Variants in LHX1 observed in about 807,000 individuals in gnomAD.
LHX1 encodes LIM/homeobox protein Lhx1.
Under a neutral mutation model 34.1 loss-of-function variants are expected in LHX1, and 9 were observed. The ratio of observed to expected loss-of-function variants is 0.26; its 90% CI spans 0.16 to 0.46. The LOEUF (loss-of-function observed/expected upper bound fraction) is 0.46. LHX1 is among the 20% of genes least tolerant of loss of function. The probability of loss-of-function intolerance (pLI) is 1.00; values close to 1 mark genes in which losing one functional copy is unlikely to be tolerated. For synonymous variants in LHX1, 254 were observed against 241.5 expected (o/e 1.05, Z -0.48); for missense variants, 446 against 559.1 (o/e 0.80, Z 2.04).
rs117704969 is a variant in LHX1 at position 36,941,767 on chromosome 17, G to T, written c.676-433G>T. 3.9e-4 allele frequency among the ~76,000 whole-genome samples: 60 copies of T among 152,342 alleles called. No homozygotes were observed. The East Asian group carries it at 5.2e-3, about 13-fold the overall frequency. On this transcript the variant is annotated intron_variant, in intron 3 of 4. Coordinates refer to ENST00000614239, the MANE Select transcript of LHX1 (RefSeq NM_005568.5). ...TGTGAAAAGGAGATTGTAGGTTTTG[G>T]TATCATAGGCTGTTTCTGTGTCTCT...
chr17:36,936,804 C>T, upstream of LHX1: 1 of 175,752 alleles, frequency 5.7e-6, no homozygotes, highest in Non-Finnish European at 1.2e-5. Context: ...GAGCAGTGAC[C>T]AAGCCGCCGG....
At position 36,942,892 on chromosome 17, in the gene LHX1, G is replaced by C. The variant is rs747919660; in HGVS notation, c.982G>C (p.Glu328Gln). The change falls in exon 5 of 5, where the codon GAG becomes CAG. Residue 328 changes from glutamate to glutamine, a missense_variant. Transcript: ENST00000614239. ...GTCCGGGACGCCCCTGGGTGGCCTGGAGCACCCGCTGCCGGGCCACCACCC... is the reference window on the plus strand; with the variant it reads ...GTCCGGGACGCCCCTGGGTGGCCTGCAGCACCCGCTGCCGGGCCACCACCC... ...GPSGTPLGGL[E>Q]HPLPGHHPSS... 1 of 1,595,600 alleles carries C rather than the reference G, an allele frequency of 6.3e-7. No individual in the cohort carries two copies. The highest frequency in any genetic ancestry group is 1.1e-5 in the South Asian group (1 of 89,114).
rs34167802 is a variant in LHX1 at position 36,938,356 on chromosome 17, C to G, written c.159C>G (p.Asn53Lys). 1.6e-3 allele frequency: 2,643 copies of G among 1,614,154 alleles called. 5 individuals are homozygous for G. The highest frequency in any genetic ancestry group is 2.1e-3 in the Non-Finnish European group (2,499 of 1,179,982). ...FSREGKLYCKNDFFRCFGTKC... is the reference protein window; with the variant it reads ...FSREGKLYCKKDFFRCFGTKC... ...GGGAAGGCAAACTCTACTGCAAGAA[C>G]GACTTCTTCCGGTGAGTACTTTCCT... The change falls in exon 1 of 5, where the codon AAC becomes AAG. Residue 53 changes from asparagine (N) to lysine (K), a missense_variant. By Grantham distance (94) the Asn-to-Lys change is moderately conservative. This residue lies in a region of LHX1 where 168 missense variants were observed against 226.6 expected (regional missense o/e 0.74). Coordinates refer to ENST00000614239, the MANE Select transcript of LHX1 (RefSeq NM_005568.5).
chr17:36,940,090 T>A, intron 1 of LHX1, 200 bp from the exon 2 acceptor site: 2 of 611,032 alleles, frequency 3.3e-6, no homozygotes, highest in Middle Eastern at 4.4e-4. Context: ...TCTCTCCTGC[T>A]GCCTCCTCAC....
At position 36,943,195 on chromosome 17, in the gene LHX1, T is replaced by TTG; in HGVS notation, c.*64_*65insTG. The TTG allele has an allele frequency of 8.8e-7, 1 of 1,139,980 alleles. No homozygotes were observed. Among genetic ancestry groups the TTG allele is most frequent in the African/African-American group, 2.3e-5 (1 of 43,718 alleles). 70.6% of individuals were successfully genotyped at this position (1,139,980 alleles called of 1,614,324 possible). On this transcript the variant is annotated 3_prime_UTR_variant, in exon 5 of 5. Transcript: ENST00000614239. ...GAAATGAACCTTTATTTAAGAAAAA[T>TTG]AGAAAAAAAAAAACATAAAAAGCAA...
chr17:36,940,360 A>G lies in LHX1; in HGVS notation c.241A>G (p.Ser81Gly), dbSNP rs2070756834. 6.2e-7 allele frequency: 1 copy of G among 1,602,302 alleles called. No homozygotes were observed. The highest frequency in any genetic ancestry group is 2.3e-5 in the East Asian group (1 of 44,178). The change falls in exon 2 of 5, where the codon AGC becomes GGC. Residue 81 changes from serine (S) to glycine (G), a missense_variant. Ser to Gly is a moderately conservative substitution (Grantham distance 56). Coordinates refer to ENST00000614239, the MANE Select transcript of LHX1 (RefSeq NM_005568.5). ...SPSDLVRRAR[S>G]KVFHLNCFTC... ...TAGCGACCTGGTGCGGAGAGCGCGG[A>G]GCAAAGTGTTTCACCTGAACTGCTT...
Position 36,943,050 on chromosome 17 carries a change from G to C in LHX1, c.1140G>C (p.Ser380=). Residue 380 remains serine (S), a synonymous_variant, in exon 5 of 5, where the codon TCG becomes TCC. Transcript: ENST00000614239. ...AEVFGPSPPF[S]SLSVNGGASY... ...TCTTCGGACCCAGCCCGCCCTTCTCGTCGCTGTCGGTCAACGGTGGGGCGA... is the reference window on the plus strand; with the variant it reads ...TCTTCGGACCCAGCCCGCCCTTCTCCTCGCTGTCGGTCAACGGTGGGGCGA... 6.2e-7 allele frequency: 1 copy of C among 1,606,022 alleles called. No homozygotes were observed. Among genetic ancestry groups the C allele is most frequent in the Non-Finnish European group, 8.5e-7 (1 of 1,174,676 alleles).
In LHX1 at chr17:36,943,186, T is replaced by TAAA; in HGVS notation, c.*57_*58insAAA. ...GGTTGTACAGAAATGAACCTTTATT[T>TAAA]AAGAAAAATAGAAAAAAAAAAACAT... On this transcript the variant is annotated 3_prime_UTR_variant, in exon 5 of 5. Coordinates refer to ENST00000614239, the MANE Select transcript of LHX1 (RefSeq NM_005568.5). 1 of 1,441,918 alleles carries TAAA rather than the reference T, an allele frequency of 6.9e-7. No individual in the cohort carries two copies. 89.3% of individuals were successfully genotyped at this position (1,441,918 alleles called of 1,614,324 possible).
chr17:36,940,058 ACT>A (rs2070754110), intron 1 of LHX1: 1 of 599,618 alleles, frequency 1.7e-6, no homozygotes, highest in African/African-American at 1.9e-5. Flanking sequence ...CCCCTCCCTA[ACT>A]CTTCCCTGGT....
chr17:36,937,167 G>C (rs71380119), upstream of LHX1: 2,338 of 448,838 alleles, frequency 5.2e-3, 41 homozygotes, highest in African/African-American at 0.043. Context: ...GGCAGACAGA[G>C]CGTGGGCCGA....
At chr17:36,937,102 AAAG>A (rs1469789064), upstream of LHX1, 2 of 357,426 alleles carry the variant, frequency 5.6e-6, no homozygotes, top group Non-Finnish European at 5.6e-6. Flanking sequence ...ACAACGAAAA[AAAG>A]AAGGGGAAAA....
In LHX1 at chr17:36,942,313, C is replaced by G. The variant is rs2142184813; in HGVS notation, c.789C>G (p.Asp263Glu). 1 of 1,592,010 alleles carries G rather than the reference C, an allele frequency of 6.3e-7. No individual in the cohort carries two copies. Among genetic ancestry groups the G allele is most frequent in the Non-Finnish European group, 8.5e-7 (1 of 1,170,608 alleles). ...RSPRRMRPLV[D>E]RLEPGELIPN... ...CGCGCCGGATGCGGCCGCTGGTGGA[C>G]CGCCTGGAGCCGGGCGAGCTCATCC... The change falls in exon 4 of 5, where the codon GAC (aspartate) becomes GAG (glutamate). Residue 263 changes from aspartate to glutamate, a missense_variant. Coordinates refer to ENST00000614239, the MANE Select transcript of LHX1 (RefSeq NM_005568.5).
chr17:36,940,249 ACCCAT>A, intron 1 of LHX1, 36 bp from the exon 2 acceptor site: 1 of 671,856 alleles, frequency 1.5e-6, no homozygotes. Context: ...CCCCTGGCTG[ACCCAT>A]CCCCGCCCCC....
chr17:36,938,403 C>T (rs751711022), intron 1 of LHX1, 36 bp downstream of exon 1: 96 of 1,603,936 alleles, frequency 6.0e-5, no homozygotes, highest in Non-Finnish European at 7.7e-5. Context: ...GCTGCTACCT[C>T]CCCGCGGGCC....
In LHX1 at chr17:36,942,850, G is replaced by T. The variant is rs2070774980; in HGVS notation, c.940G>T (p.Val314Leu). 6.3e-7 allele frequency: 1 copy of T among 1,589,794 alleles called. No homozygotes were observed. The change falls in exon 5 of 5, where the codon GTG becomes TTG. Residue 314 changes from valine to leucine, a missense_variant. Around this residue, in one of 3 missense-constraint regions of LHX1, gnomAD observed 235 missense variants for 224.4 expected, o/e 1.05. Transcript: ENST00000614239. ...CCAGACACCAGTGGACCTACCCTTC[G>T]TGCCGTCATCTGGGCCGTCCGGGAC... ...QAQTPVDLPFVPSSGPSGTPL... is the reference protein window; with the variant it reads ...QAQTPVDLPFLPSSGPSGTPL...
Position 36,942,190 on chromosome 17 carries a change from T to G in LHX1, c.676-10T>G. ...TCTCGGTGGCCTCACCCCGCCGCCA[T>G]GTGCTGCAGGTCTGGTTCCAGAACC... On this transcript the variant is annotated splice_polypyrimidine_tract_variant and intron_variant, in intron 3 of 4. Coordinates refer to ENST00000614239, the MANE Select transcript of LHX1 (RefSeq NM_005568.5). 6.4e-7 allele frequency: 1 copy of G among 1,552,432 alleles called. No individual in the cohort carries two copies. Among genetic ancestry groups the G allele is most frequent in the Non-Finnish European group, 8.7e-7 (1 of 1,155,836 alleles).
At chr17:36,941,487 G>A in intron 3 of LHX1, 1 of 308,662 alleles carries the variant, frequency 3.2e-6, no homozygotes, top group Non-Finnish European at 6.4e-6. Context: ...GACTGCTGAA[G>A]CTCCAGGCCA....
chr17:36,943,364 C>T lies in LHX1; in HGVS notation c.*233C>T. 1 of 528,090 alleles carries T rather than the reference C, an allele frequency of 1.9e-6. No homozygotes were observed. Among genetic ancestry groups the T allele is most frequent in the Non-Finnish European group, 3.3e-6 (1 of 304,510 alleles). 32.7% of individuals were successfully genotyped at this position (528,090 alleles called of 1,614,324 possible). Reference sequence around the variant, plus strand: ...TGGCTGTCGACGTGCAGAACTGGGGCTCCCCAAAGGAAACGCAGACCTCTC... The same window carrying T: ...TGGCTGTCGACGTGCAGAACTGGGGTTCCCCAAAGGAAACGCAGACCTCTC... On this transcript the variant is annotated 3_prime_UTR_variant, in exon 5 of 5. Coordinates refer to ENST00000614239, the MANE Select transcript of LHX1 (RefSeq NM_005568.5).
Position 36,942,782 on chromosome 17 carries a change from G to A in LHX1, c.872G>A (p.Gly291Asp). Residue 291 changes from glycine (G) to aspartate (D), a missense_variant, in exon 5 of 5, where the codon GGC becomes GAC. Coordinates refer to ENST00000614239, the MANE Select transcript of LHX1 (RefSeq NM_005568.5). ...DYQSEYYGPG[G>D]NYDFFPQGPP... Reference sequence around the variant, plus strand: ...CAGAGCGAGTACTACGGGCCCGGGGGCAACTACGACTTCTTCCCGCAAGGC... The same window carrying A: ...CAGAGCGAGTACTACGGGCCCGGGGACAACTACGACTTCTTCCCGCAAGGC... 3 of 1,541,586 alleles carry A rather than the reference G, an allele frequency of 1.9e-6. No individual in the cohort carries two copies. The highest frequency in any genetic ancestry group is 2.6e-6 in the Non-Finnish European group (3 of 1,140,690).
Sources: gnomAD v4.1 joint callset for allele counts (sites outside exome capture counted in the v4.1 genomes callset) on GRCh38, gnomAD v4.1.1 for gene constraint, gnomAD v4.1.1 regional missense constraint, MANE v1.5 for transcripts, NCBI Gene and HGNC (gene_info 2026-07-23, HGNC 2026-07-21) for gene names.